DZANK1: variants seen among roughly 807,000 people sequenced by gnomAD.
DZANK1 encodes double zinc ribbon and ankyrin repeat domains 1.
DZANK1 carries 91 observed loss-of-function variants against 94.5 expected under a neutral mutation model. That is an observed-to-expected ratio of 0.96 (90% CI 0.81 to 1.15). The LOEUF (loss-of-function observed/expected upper bound fraction) is 1.15. Among genes scored for constraint, DZANK1 ranks in the 50% most tolerant of loss-of-function variants. DZANK1 has a pLI of 0.00. For missense variants in DZANK1, 903 were observed against 916.4 expected (o/e 0.99, Z 0.19); for synonymous variants, 312 against 325.3 (o/e 0.96, Z 0.44).
At chr20:18,408,254 T>TG (rs2057057740) in intron 13 of DZANK1, among the ~76,000 whole-genome samples, 1 of 152,194 alleles carries the variant, frequency 6.6e-6, no homozygotes, top group Non-Finnish European at 1.5e-5. Flanking sequence ...AGGTGGAGGT[T>TG]GCAGTGAGCT....
At chr20:18,459,546 T>A (rs1235343824) in intron 3 of DZANK1, among the ~76,000 whole-genome samples, 85 of 152,190 alleles carry the variant, frequency 5.6e-4, no homozygotes, top group Non-Finnish European at 8.8e-5. Flanking sequence ...CACACAGAAT[T>A]GCAAGGATTT....
intron 15 of DZANK1, among the ~76,000 whole-genome samples, chr20:18,396,007 T>C (rs1312045536): frequency 6.6e-6 from 1 of 152,194 alleles, no homozygotes; most frequent in African/African-American, 2.4e-5. Context: ...TTATTCTGAC[T>C]TTTTGTCCAG....
At chr20:18,424,886 T>TGCAACAACATGAACGAACC (rs1289370488) in intron 10 of DZANK1, among the ~76,000 whole-genome samples, 1 of 151,814 alleles carries the variant, frequency 6.6e-6, no homozygotes, top group Admixed American at 6.6e-5. Flanking sequence ...AATCAATACA[T>TGCAACAACATGAACGAACC]GCAACAACAT....
At chr20:18,414,020 AT>A (rs1345560439) in intron 12 of DZANK1, among the ~76,000 whole-genome samples, 4 of 152,228 alleles carry the variant, frequency 2.6e-5, no homozygotes, top group African/African-American at 9.6e-5. Flanking sequence ...GCTGTTATAA[AT>A]TACAAAAGCA....
At chr20:18,396,656 T>C in intron 14 of DZANK1, 110 bp from the exon 15 acceptor site, 1 of 696,320 alleles carries the variant, frequency 1.4e-6, no homozygotes, top group Non-Finnish European at 2.4e-6. Context: ...ACCAAATATT[T>C]AATTAACACA....
At chr20:18,394,542 T>G in intron 15 of DZANK1, 192 bp from the exon 16 acceptor site, 1 of 682,108 alleles carries the variant, frequency 1.5e-6, no homozygotes. Context: ...TTCTGCCCCT[T>G]ACCCGCGGCT....
intron 8 of DZANK1, among the ~76,000 whole-genome samples, chr20:18,442,050 C>T (rs16979177): frequency 0.023 from 3,499 of 152,246 alleles, 147 homozygotes; most frequent in African/African-American, 0.081. Flanking sequence ...CTCCTAGAAG[C>T]CCAGCTCAGA....
chr20:18,465,367 T>A, exon 2 of DZANK1: 2 of 1,419,154 alleles, frequency 1.4e-6, no homozygotes, highest in Non-Finnish European at 1.9e-6. Context: ...ATTTTCTCTC[T>A]CTCTCTCTCT....
chr20:18,457,169 GA>G (rs747496607), intron 3 of DZANK1, among the ~76,000 whole-genome samples: 6 of 152,106 alleles, frequency 3.9e-5, no homozygotes, highest in Non-Finnish European at 8.8e-5. Context: ...TTGTAACACA[GA>G]ATCAAAACAA....
At chr20:18,448,602 C>T (rs1256748871) in intron 7 of DZANK1, among the ~76,000 whole-genome samples, 2 of 152,126 alleles carry the variant, frequency 1.3e-5, no homozygotes, top group Non-Finnish European at 2.9e-5. Context: ...GGTGTGGTGG[C>T]TCACACCTGT....
At chr20:18,406,942 G>A (rs1035737870) in intron 13 of DZANK1, among the ~76,000 whole-genome samples, 2 of 152,244 alleles carry the variant, frequency 1.3e-5, no homozygotes, top group African/African-American at 2.4e-5. Flanking sequence ...ACCAGTAGTG[G>A]TGGTGGCCAC....
chr20:18,400,884 T>C (rs1327173410), intron 13 of DZANK1, among the ~76,000 whole-genome samples: 1 of 152,178 alleles, frequency 6.6e-6, no homozygotes, highest in Admixed American at 6.5e-5. Context: ...AATACGTATG[T>C]AGGAGTATGT....
rs73902460 is a variant in DZANK1, at chr20:18,413,993, T to C, written c.1242+355A>G. On this transcript the variant is annotated intron_variant, in intron 12 of 20. Coordinates refer to ENST00000262547, the Ensembl canonical transcript of DZANK1. ...TCTGAAAATAACCTGGTGAGATTTG[T>C]CCTCAAACTATGCCCAGCTGTTATA... Among the ~76,000 whole-genome samples the C allele has an allele frequency of 7.3e-3, 1,112 of 152,276 alleles. 15 individuals carry two copies. The highest frequency in any genetic ancestry group is 0.026 in the African/African-American group (1,076 of 41,542).
intron 1 of DZANK1, among the ~76,000 whole-genome samples, chr20:18,465,836 G>A (rs914300469): frequency 3.9e-5 from 6 of 152,266 alleles, no homozygotes; most frequent in Admixed American, 3.9e-4. Flanking sequence ...TAACTTTTTT[G>A]GGAAAGCTCC....
chr20:18,388,052 C>G (rs1176755707), intron 19 of DZANK1, among the ~76,000 whole-genome samples: 1 of 152,150 alleles, frequency 6.6e-6, no homozygotes, highest in Non-Finnish European at 1.5e-5. Context: ...GGCCCAAACT[C>G]TTGAAACTAA....
intron 17 of DZANK1, among the ~76,000 whole-genome samples, chr20:18,391,193 A>C (rs1369201372): frequency 1.3e-5 from 2 of 152,204 alleles, no homozygotes; most frequent in East Asian, 1.9e-4. Context: ...TCTGTCTCAA[A>C]AAACAAAACA....
At chr20:18,452,531 G>C (rs1601136763) in intron 6 of DZANK1, 84 bp downstream of exon 6, 1 of 1,430,718 alleles carries the variant, frequency 7.0e-7, no homozygotes, top group East Asian at 2.5e-5. Flanking sequence ...AAAAGTGGGG[G>C]AGGTGCAGTC....
exon 8 of DZANK1, chr20:18,443,403 C>T (rs753725124): frequency 6.5e-7 from 1 of 1,543,048 alleles, no homozygotes; most frequent in Non-Finnish European, 8.7e-7. Context: ...ACAGGAGAGC[C>T]ACATTCTTGA....
chr20:18,465,660 T>C (rs1037033674), intron 1 of DZANK1, among the ~76,000 whole-genome samples: 2 of 152,046 alleles, frequency 1.3e-5, no homozygotes, highest in African/African-American at 4.8e-5. Flanking sequence ...ATTAAATGAG[T>C]AAGGCAAAAC....
Sources: allele counts gnomAD v4.1 joint callset (sites outside exome capture counted in the v4.1 genomes callset), GRCh38; gene constraint gnomAD v4.1.1; transcripts MANE v1.5; gene names NCBI Gene and HGNC (gene_info 2026-07-23, HGNC 2026-07-21).